Variants in TBC1D32 observed in about 807,000 individuals in gnomAD.
TBC1D32 encodes the protein protein broad-minded.
Under a neutral mutation model 170.3 loss-of-function variants are expected in TBC1D32, and 151 were observed. The ratio of observed to expected loss-of-function variants is 0.89; its 90% confidence interval spans 0.78 to 1.01. TBC1D32 has a LOEUF of 1.01. Among genes scored for constraint, TBC1D32 ranks in the 50% least tolerant of loss-of-function variants. TBC1D32 has a pLI of 0.00. For missense variants in TBC1D32, 1,464 were observed against 1,457.1 expected, an observed-to-expected ratio of 1.00 and a Z score of -0.08; for synonymous variants, 498 against 488.0, an observed-to-expected ratio of 1.02 and a Z score of -0.27.
intron 1 of TBC1D32, among the ~76,000 whole-genome samples, chr6:121,333,856 A>G (rs1031726325): frequency 2.6e-5 from 4 of 151,918 alleles, no homozygotes; most frequent in African/African-American, 7.3e-5. Context: ...CACTTGAGGT[A>G]GGGAGTTCGA....
Position 121,241,485 on chromosome 6 carries a change from C to A in TBC1D32, c.2225G>T (p.Gly742Val), listed in dbSNP as rs200421884. 4.6e-5 allele frequency: 74 copies of A among 1,613,154 alleles called. No homozygotes were observed. In the African/African-American group the frequency reaches 9.2e-4, roughly 20 times the overall value. ...TTTACCTGACTTTTTTAGTGCAATG[C>A]CACCTGCTGCTGTTGATGCCACTCG... is the stretch of plus-strand genomic sequence containing the variant. ...VTRVASTAAGGIALKKSGFIN... is the reference protein window; with the variant it reads ...VTRVASTAAGVIALKKSGFIN... The change falls in exon 19 of 32, where the codon GGC becomes GTC. Residue 742 changes from glycine (G) to valine (V), a missense_variant. Gly to Val is a moderately radical substitution (Grantham distance 109). Around this residue, in one of 3 missense-constraint regions of TBC1D32, gnomAD observed 1,363 missense variants for 1,338.1 expected, o/e 1.02. Transcript: ENST00000398212.
Position 121,317,534 on chromosome 6 carries a change from G to A in TBC1D32, c.456C>T (p.Arg152=). ...KIQKEKSHSY[R]TDNCSDSDSS... is the part of the protein sequence containing the mutation. ...AATCACTATCAGAGCAATTGTCTGT[G>A]CGGTAACTATGGCTTTTCTCCTTTT... Residue 152 remains arginine (R), a synonymous_variant, in exon 3 of 32, where the codon CGC becomes CGT. Coordinates refer to ENST00000398212, the MANE Select transcript of TBC1D32 (RefSeq NM_152730.6). The A allele has an allele frequency of 1.9e-6, 3 of 1,612,358 alleles. No individual in the cohort carries two copies. The highest frequency in any genetic ancestry group is 2.5e-6 in the Non-Finnish European group (3 of 1,179,136).
chr6:121,177,950 C>G (rs968020356), intron 22 of TBC1D32, among the ~76,000 whole-genome samples: 4 of 152,006 alleles, frequency 2.6e-5, no homozygotes, highest in Non-Finnish European at 5.9e-5. Context: ...AAGACATACC[C>G]AAGACTGGGT....
chr6:121,292,019 T>C, intron 12 of TBC1D32, 34 bp downstream of exon 12: 1 of 1,532,936 alleles, frequency 6.5e-7, no homozygotes, highest in Non-Finnish European at 8.8e-7. Context: ...TCTTAGCATA[T>C]CTTAACAAAT....
rs563324480 is a variant in TBC1D32 at position 121,219,773 on chromosome 6, G to A, written c.2481+3463C>T. Among the ~76,000 whole-genome samples the A allele has an allele frequency of 1.1e-4, 16 of 152,300 alleles. No individual in the cohort carries two copies. The South Asian group carries it at 2.5e-3, about 24-fold the overall frequency. ...TATTTAAGATGTGTAGCAACGCTAC[G>A]TCAAACAAGTCTACTGGGGTCATTT... On this transcript the variant is annotated intron_variant, in intron 21 of 31. Transcript: ENST00000398212.
intron 17 of TBC1D32, among the ~76,000 whole-genome samples, chr6:121,247,555 C>G (rs760152487): frequency 1.4e-4 from 21 of 151,740 alleles, no homozygotes; most frequent in Non-Finnish European, 2.5e-4. Flanking sequence ...AGCAAAATAT[C>G]TGCTGTCTTC....
At chr6:121,123,248 T>C (rs1228756278) in intron 26 of TBC1D32, among the ~76,000 whole-genome samples, 1 of 152,122 alleles carries the variant, frequency 6.6e-6, no homozygotes, top group African/African-American at 2.4e-5. Flanking sequence ...TTATAAATGA[T>C]GTTGAATTGT....
At position 121,299,522 on chromosome 6, in the gene TBC1D32, A is replaced by G; in HGVS notation, c.1081-17T>C. The G allele has an allele frequency of 6.7e-7, 1 of 1,498,596 alleles. No homozygotes were observed. The highest frequency in any genetic ancestry group is 9.1e-7 in the Non-Finnish European group (1 of 1,100,814). The allele number at this position is 1,498,596 out of a possible 1,614,324, so 92.8% of individuals were successfully genotyped here. A position where few individuals can be genotyped will look rare whatever the true frequency, so the allele number is the denominator to read the frequency against. On this transcript the variant is annotated splice_polypyrimidine_tract_variant and intron_variant, in intron 9 of 31. Coordinates refer to ENST00000398212, the MANE Select transcript of TBC1D32 (RefSeq NM_152730.6). ...ATGTGCATGCTAAAATTAAAAGGAA[A>G]TGATATTTAATACTCAAGCTGTGCC...
chr6:121,188,573 A>G (rs902941317), intron 22 of TBC1D32, among the ~76,000 whole-genome samples: 2 of 152,076 alleles, frequency 1.3e-5, no homozygotes, highest in African/African-American at 4.8e-5. Flanking sequence ...AGTTAAACAA[A>G]TCAAGATAGT....
chr6:121,263,410 A>G (rs1800032522), intron 15 of TBC1D32, among the ~76,000 whole-genome samples: 1 of 152,184 alleles, frequency 6.6e-6, no homozygotes, highest in East Asian at 1.9e-4. Context: ...ATATACATGC[A>G]CCCAATATAG....
At chr6:121,211,735 T>A (rs1037533191) in intron 21 of TBC1D32, among the ~76,000 whole-genome samples, 2 of 152,072 alleles carry the variant, frequency 1.3e-5, no homozygotes, top group African/African-American at 2.4e-5. Context: ...CCCATACAAG[T>A]AAAATGCTGT....
chr6:121,283,975 A>G, intron 12 of TBC1D32, 65 bp from the exon 13 acceptor site: 1 of 1,204,440 alleles, frequency 8.3e-7, no homozygotes, highest in Non-Finnish European at 1.2e-6. Context: ...GAGAAATTTA[A>G]CTGAGCTTTC....
chr6:121,141,980 C>T (rs1782844475), intron 24 of TBC1D32, among the ~76,000 whole-genome samples: 1 of 152,160 alleles, frequency 6.6e-6, no homozygotes, highest in Admixed American at 6.5e-5. Flanking sequence ...CTTATGTTGT[C>T]CTAAAACCGA....
At chr6:121,104,225 A>G (rs1377577207) in intron 30 of TBC1D32, among the ~76,000 whole-genome samples, 1 of 151,804 alleles carries the variant, frequency 6.6e-6, no homozygotes, top group Non-Finnish European at 1.5e-5. Context: ...ATGCAAGGAT[A>G]TTTTACTATT....
chr6:121,160,881 G>C, intron 23 of TBC1D32, 67 bp downstream of exon 23: 3 of 1,227,248 alleles, frequency 2.4e-6, no homozygotes, highest in South Asian at 2.4e-5. Flanking sequence ...GGGTGACTTT[G>C]AGTTGGCTAT....
At chr6:121,202,449 T>C (rs1000410556) in intron 22 of TBC1D32, among the ~76,000 whole-genome samples, 3 of 151,160 alleles carry the variant, frequency 2.0e-5, no homozygotes, top group African/African-American at 7.4e-5. Context: ...CTAGATTCAT[T>C]AGCATGGAAG....
chr6:121,091,866 C>A (rs1012128233), intron 30 of TBC1D32, among the ~76,000 whole-genome samples: 1 of 152,022 alleles, frequency 6.6e-6, no homozygotes, highest in African/African-American at 2.4e-5. Flanking sequence ...TACGGTGAGC[C>A]CTAATCCAAT....
intron 3 of TBC1D32, among the ~76,000 whole-genome samples, chr6:121,316,722 T>C (rs1332885134): frequency 6.6e-6 from 1 of 152,208 alleles, no homozygotes; most frequent in African/African-American, 2.4e-5. Flanking sequence ...TGTACATATT[T>C]GTTCATGTTT....
intron 15 of TBC1D32, among the ~76,000 whole-genome samples, chr6:121,261,089 G>GA (rs778892317): frequency 4.6e-5 from 7 of 152,068 alleles, no homozygotes; most frequent in Non-Finnish European, 8.8e-5. Context: ...CTCCCTACAG[G>GA]AACTCCAACA....
Sources: gnomAD v4.1 joint callset for allele counts (sites outside exome capture counted in the v4.1 genomes callset) on GRCh38, gnomAD v4.1.1 for gene constraint, gnomAD v4.1.1 regional missense constraint, MANE v1.5 for transcripts, NCBI Gene and HGNC (gene_info 2026-07-23, HGNC 2026-07-21) for gene names.